HECW2: variants seen among roughly 807,000 people sequenced by gnomAD.
HECW2 encodes E3 ubiquitin-protein ligase HECW2.
HECW2 carries 61 observed loss-of-function variants against 175.2 expected under a neutral mutation model. The observed-to-expected ratio is 0.35, with a 90% CI of 0.28 to 0.43. The LOEUF is 0.43. Among genes scored for constraint, HECW2 ranks in the 20% least tolerant of loss-of-function variants. The pLI, the probability that HECW2 is intolerant of heterozygous loss-of-function variation, is 1.00. For synonymous variants in HECW2, 671 were observed against 731.0 expected, an observed-to-expected ratio of 0.92 and a Z score of 1.32; for missense variants, 1,524 against 2,000.5, an observed-to-expected ratio of 0.76 and a Z score of 4.54.
At chr2:196,404,543 T>C (rs1694907795) in intron 2 of HECW2, among the ~76,000 whole-genome samples, 1 of 152,176 alleles carries the variant, frequency 6.6e-6, no homozygotes, top group East Asian at 1.9e-4. Flanking sequence ...CAAAATACAT[T>C]AAACCCCAAA....
At chr2:196,521,455 T>C (rs1442184000) in intron 1 of HECW2, among the ~76,000 whole-genome samples, 1 of 151,370 alleles carries the variant, frequency 6.6e-6, no homozygotes, top group East Asian at 1.9e-4. Context: ...AATCCCTTCA[T>C]TTTATTTTAT....
intron 14 of HECW2, among the ~76,000 whole-genome samples, chr2:196,279,045 A>C (rs111966826): frequency 9.5e-5 from 13 of 136,604 alleles, no homozygotes; most frequent in African/African-American, 3.5e-4. Context: ...CTTGAAACTT[A>C]AAAAAAAAAA....
At position 196,194,556 on chromosome 2, in the gene HECW2, C is replaced by T. The variant is rs746605742; in HGVS notation, c.*6721G>A. 2 of 151,838 alleles carry T rather than the reference C, an allele frequency of 1.3e-5. No individual in the cohort carries two copies. The highest frequency in any genetic ancestry group is 2.9e-5 in the Non-Finnish European group (2 of 67,942). 9.4% of individuals were successfully genotyped at this position (151,838 alleles called of 1,614,324 possible). A position where few individuals can be genotyped will look rare whatever the true frequency, so the allele number is the denominator to read the frequency against. ...AGGGGTTCAGTTGAGAATAAGAATACAGACTTCCCAGAAAATAAACAACTA... is the reference window on the plus strand; with the variant it reads ...AGGGGTTCAGTTGAGAATAAGAATATAGACTTCCCAGAAAATAAACAACTA... On this transcript the variant is annotated 3_prime_UTR_variant, in exon 29 of 29. Transcript: ENST00000644978.
At chr2:196,283,772 T>G (rs1339477746) in intron 14 of HECW2, among the ~76,000 whole-genome samples, 1 of 152,224 alleles carries the variant, frequency 6.6e-6, no homozygotes, top group Non-Finnish European at 1.5e-5. Context: ...GTTTCCACAC[T>G]GCAGAGGAAA....
intron 21 of HECW2, among the ~76,000 whole-genome samples, chr2:196,231,442 T>C (rs1274711326): frequency 1.3e-5 from 2 of 152,130 alleles, no homozygotes; most frequent in Non-Finnish European, 1.5e-5. Flanking sequence ...GCTAATAGAG[T>C]AGCGGTTGGC....
chr2:196,381,621 A>C (rs1694209510), intron 2 of HECW2, among the ~76,000 whole-genome samples: 1 of 152,160 alleles, frequency 6.6e-6, no homozygotes, highest in South Asian at 2.1e-4. Context: ...TTTGCCTCCT[A>C]CCAGGAGGGC....
intron 1 of HECW2, among the ~76,000 whole-genome samples, chr2:196,499,363 T>C (rs754496817): frequency 6.6e-6 from 1 of 152,170 alleles, no homozygotes; most frequent in Non-Finnish European, 1.5e-5. Context: ...AAGTATTCGT[T>C]CTACTGGACC....
chr2:196,452,816 G>A (rs1696387159), intron 1 of HECW2, among the ~76,000 whole-genome samples: 1 of 151,350 alleles, frequency 6.6e-6, no homozygotes, highest in East Asian at 1.9e-4. Flanking sequence ...AAAAAACATG[G>A]GCCCAATAAA....
At chr2:196,442,824 A>G (rs1292309938) in intron 1 of HECW2, among the ~76,000 whole-genome samples, 2 of 152,142 alleles carry the variant, frequency 1.3e-5, no homozygotes. Context: ...TACAAATAAG[A>G]TATATAATAA....
chr2:196,490,936 G>C (rs1410505715), intron 1 of HECW2, among the ~76,000 whole-genome samples: 1 of 152,172 alleles, frequency 6.6e-6, no homozygotes, highest in Non-Finnish European at 1.5e-5. Context: ...TAGATTCGTA[G>C]TTGTTTGGGA....
intron 2 of HECW2, among the ~76,000 whole-genome samples, chr2:196,355,196 G>T (rs1693319020): frequency 6.6e-6 from 1 of 152,190 alleles, no homozygotes; most frequent in South Asian, 2.1e-4. Context: ...CAGGAATGAG[G>T]TGTTCTTTGT....
intron 1 of HECW2, among the ~76,000 whole-genome samples, chr2:196,456,111 C>T (rs1033846955): frequency 2.6e-5 from 4 of 151,858 alleles, no homozygotes; most frequent in Non-Finnish European, 5.9e-5. Context: ...AAATCATGCC[C>T]CTAAATTGCT....
chr2:196,471,169 A>G lies in HECW2; in HGVS notation c.-35-37711T>C, dbSNP rs113175418. 6.9e-3 allele frequency among the ~76,000 whole-genome samples: 1,049 copies of G among 152,332 alleles called. 12 individuals are homozygous for G. Among genetic ancestry groups the G allele is most frequent in the African/African-American group, 0.024 (983 of 41,586 alleles). ...CTAAGTATATTCTAAGAAAACATCA[A>G]CAAATTTTTATTTTTAAAATCCCTA... On this transcript the variant is annotated intron_variant, in intron 1 of 28. Coordinates refer to ENST00000644978, the MANE Select transcript of HECW2 (RefSeq NM_001348768.2).
intron 1 of HECW2, among the ~76,000 whole-genome samples, chr2:196,523,267 C>T (rs1688487023): frequency 6.6e-6 from 1 of 151,770 alleles, no homozygotes; most frequent in Non-Finnish European, 1.5e-5. Context: ...CATCATTTGG[C>T]TCTCTGTTTG....
intron 21 of HECW2, among the ~76,000 whole-genome samples, chr2:196,236,835 G>A (rs1475745006): frequency 1.3e-5 from 2 of 152,194 alleles, no homozygotes; most frequent in Admixed American, 6.5e-5. Context: ...GGCTATTGAT[G>A]TTGACCTTGA....
At chr2:196,303,454 A>T (rs1234178258) in intron 13 of HECW2, among the ~76,000 whole-genome samples, 3 of 152,028 alleles carry the variant, frequency 2.0e-5, no homozygotes, top group Non-Finnish European at 4.4e-5. Context: ...TTCCTTTTCA[A>T]TTTTTTGGAG....
intron 28 of HECW2, among the ~76,000 whole-genome samples, chr2:196,204,000 T>C (rs1163243762): frequency 6.6e-6 from 1 of 152,234 alleles, no homozygotes; most frequent in East Asian, 1.9e-4. Flanking sequence ...TCACTTAGCA[T>C]ATTTTAAGGT....
At chr2:196,475,055 G>A (rs914243254) in intron 1 of HECW2, among the ~76,000 whole-genome samples, 6 of 151,976 alleles carry the variant, frequency 3.9e-5, no homozygotes, top group Non-Finnish European at 5.9e-5. Flanking sequence ...ATGGTTCCAC[G>A]GCTCTGCCTC....
rs191107071 is a variant in HECW2, at chr2:196,455,102, C to T, written c.-35-21644G>A. Among the ~76,000 whole-genome samples, 95 of 151,294 alleles carry T rather than the reference C, an allele frequency of 6.3e-4. No individual in the cohort carries two copies. The East Asian group carries it at 0.014, about 22-fold the overall frequency. ...AGGCTGGAGTACAGTGGCACAATCTCGGCTCACTGCGACCTCCACCTCCTG... is the reference window on the plus strand; with the variant it reads ...AGGCTGGAGTACAGTGGCACAATCTTGGCTCACTGCGACCTCCACCTCCTG... On this transcript the variant is annotated intron_variant, in intron 1 of 28. Transcript: ENST00000644978.
Sources: allele counts gnomAD v4.1 joint callset (sites outside exome capture counted in the v4.1 genomes callset), GRCh38; gene constraint gnomAD v4.1.1; transcripts MANE v1.5; gene names NCBI Gene and HGNC (gene_info 2026-07-23, HGNC 2026-07-21).